Variants in ADAMTS18 observed in about 807,000 individuals in gnomAD.
ADAMTS18 encodes ADAM metallopeptidase with thrombospondin type 1 motif 18, also known as A disintegrin and metalloproteinase with thrombospondin motifs 18.
A neutral mutation model predicts 165.9 loss-of-function variants in ADAMTS18; 157 were observed. The ratio of observed to expected loss-of-function variants is 0.95; its 90% CI spans 0.83 to 1.08. The LOEUF (loss-of-function observed/expected upper bound fraction) is 1.08. ADAMTS18 is among the 50% of genes least tolerant of loss of function. The pLI, the probability that ADAMTS18 is intolerant of heterozygous loss-of-function variation, is 0.00. For synonymous variants in ADAMTS18, 782 were observed against 578.2 expected (o/e 1.35, Z -5.06); for missense variants, 2,040 against 1,534.0 (o/e 1.33, Z -5.51).
chr16:77,310,635 T>A (rs1412090263), intron 16 of ADAMTS18, among the ~76,000 whole-genome samples: 2 of 134,948 alleles, frequency 1.5e-5, no homozygotes, highest in African/African-American at 5.7e-5. Flanking sequence ...TTAACCTTTT[T>A]TTCTTTTTTT....
At chr16:77,428,988 G>A (rs566199103) in intron 3 of ADAMTS18, among the ~76,000 whole-genome samples, 6 of 152,264 alleles carry the variant, frequency 3.9e-5, no homozygotes, top group South Asian at 2.1e-4. Flanking sequence ...CCAAACTGCT[G>A]GTGGGGGTGT....
At chr16:77,389,831 A>C (rs1296218798) in intron 3 of ADAMTS18, among the ~76,000 whole-genome samples, 2 of 152,186 alleles carry the variant, frequency 1.3e-5, no homozygotes, top group Non-Finnish European at 2.9e-5. Context: ...TAAGCATAGA[A>C]TCGATCTGTG....
chr16:77,417,676 C>T (rs189378059), intron 3 of ADAMTS18, among the ~76,000 whole-genome samples: 480 of 152,344 alleles, frequency 3.2e-3, no homozygotes, highest in African/African-American at 0.011. Context: ...CATATGTATA[C>T]ATGTGCCATG....
intron 21 of ADAMTS18, chr16:77,290,509 T>G (rs12927388): frequency 0.1 from 15,627 of 152,322 alleles, 1,121 homozygotes; most frequent in Admixed American, 0.22. Flanking sequence ...TAATTTCCTT[T>G]CCTCTCATCC....
Position 77,284,131 on chromosome 16 carries a change from T to C in ADAMTS18, c.3551-60A>G, listed in dbSNP as rs904573422. On this transcript the variant is annotated intron_variant, in intron 22 of 22. Coordinates refer to ENST00000282849, the MANE Select transcript of ADAMTS18 (RefSeq NM_199355.4). ...GGGTGTCTATCCTTTTTCTTTTTTT[T>C]TTTTTTTGAGATGGAGTCTCACTCT... The C allele has an allele frequency of 3.6e-4, 455 of 1,259,814 alleles. 1 individual carries two copies. The highest frequency in any genetic ancestry group is 4.8e-4 in the Non-Finnish European group (422 of 872,108). 78.0% of individuals were successfully genotyped at this position (1,259,814 alleles called of 1,614,324 possible).
At chr16:77,334,752 AC>A (rs1174104303) in intron 12 of ADAMTS18, among the ~76,000 whole-genome samples, 10 of 112,292 alleles carry the variant, frequency 8.9e-5, no homozygotes, top group African/African-American at 3.0e-4. Flanking sequence ...TATACTGTAT[AC>A]TATAGTATAC....
intron 16 of ADAMTS18, among the ~76,000 whole-genome samples, chr16:77,317,936 C>A (rs921101429): frequency 6.6e-6 from 1 of 152,158 alleles, no homozygotes; most frequent in Non-Finnish European, 1.5e-5. Context: ...CATCACTAAT[C>A]TGACCAAAAT....
chr16:77,351,592 T>G (rs890936582), intron 10 of ADAMTS18, among the ~76,000 whole-genome samples: 2 of 152,316 alleles, frequency 1.3e-5, no homozygotes, highest in Non-Finnish European at 2.9e-5. Context: ...AAATTTGTGA[T>G]TAATAAATAA....
intron 3 of ADAMTS18, among the ~76,000 whole-genome samples, chr16:77,421,590 G>A (rs909698314): frequency 6.6e-6 from 1 of 152,202 alleles, no homozygotes; most frequent in Non-Finnish European, 1.5e-5. Flanking sequence ...CTAGGCTCAT[G>A]GAAAACAAGG....
intron 3 of ADAMTS18, among the ~76,000 whole-genome samples, chr16:77,383,998 T>G (rs183640211): frequency 1.5e-3 from 229 of 152,138 alleles, no homozygotes; most frequent in Non-Finnish European, 2.5e-3. Context: ...GACATGAGAG[T>G]GCCACACGCA....
At chr16:77,352,449 T>C (rs1218092583) in intron 10 of ADAMTS18, among the ~76,000 whole-genome samples, 2 of 152,146 alleles carry the variant, frequency 1.3e-5, no homozygotes, top group Non-Finnish European at 2.9e-5. Flanking sequence ...ATTTAAAAGT[T>C]TGTGGCTTTG....
chr16:77,334,681 GTATA>G (rs575424017), intron 12 of ADAMTS18, among the ~76,000 whole-genome samples: 9 of 106,290 alleles, frequency 8.5e-5, no homozygotes, highest in Non-Finnish European at 1.2e-4. Flanking sequence ...ATATACTATA[GTATA>G]TATATATAGT....
chr16:77,418,624 C>G (rs779113368), intron 3 of ADAMTS18, among the ~76,000 whole-genome samples: 9 of 151,950 alleles, frequency 5.9e-5, no homozygotes, highest in African/African-American at 1.7e-4. Flanking sequence ...AAACCCTGAG[C>G]TAAACATAAC....
At chr16:77,399,816 C>T (rs1417633791) in intron 3 of ADAMTS18, among the ~76,000 whole-genome samples, 2 of 152,170 alleles carry the variant, frequency 1.3e-5, no homozygotes, top group East Asian at 1.9e-4. Context: ...GCTGCTACTA[C>T]CACTCCTACT....
At chr16:77,396,079 G>A (rs755343337) in intron 3 of ADAMTS18, among the ~76,000 whole-genome samples, 3 of 152,128 alleles carry the variant, frequency 2.0e-5, no homozygotes, top group Non-Finnish European at 4.4e-5. Context: ...TTAGCAACAT[G>A]CCAAGGGCAC....
chr16:77,429,052 A>G (rs1036417075), intron 3 of ADAMTS18, among the ~76,000 whole-genome samples: 1 of 152,202 alleles, frequency 6.6e-6, no homozygotes, highest in Admixed American at 6.5e-5. Context: ...AAGAGCTAAA[A>G]GCAGAAATAC....
chr16:77,421,661 C>T (rs1460854449), intron 3 of ADAMTS18, among the ~76,000 whole-genome samples: 1 of 152,176 alleles, frequency 6.6e-6, no homozygotes, highest in Non-Finnish European at 1.5e-5. Context: ...GATGGTGATA[C>T]TGGGTGGCTA....
chr16:77,287,982 T>A (rs1410757378), intron 22 of ADAMTS18, among the ~76,000 whole-genome samples: 1 of 152,190 alleles, frequency 6.6e-6, no homozygotes, highest in African/African-American at 2.4e-5. Flanking sequence ...TATAAGGTGC[T>A]TGGTGACTTG....
intron 3 of ADAMTS18, among the ~76,000 whole-genome samples, chr16:77,385,952 C>G (rs1033360538): frequency 6.6e-6 from 1 of 152,210 alleles, no homozygotes; most frequent in South Asian, 2.1e-4. Flanking sequence ...GAAATGGGAT[C>G]TGGGGAGAAC....
Sources: gnomAD v4.1 joint callset for allele counts (sites outside exome capture counted in the v4.1 genomes callset) on GRCh38, gnomAD v4.1.1 for gene constraint, MANE v1.5 for transcripts, NCBI Gene and HGNC (gene_info 2026-07-23, HGNC 2026-07-21) for gene names.